Variants in CSMD2 observed in about 807,000 individuals in gnomAD.
CSMD2 encodes CUB and Sushi multiple domains 2, also known as CUB and sushi domain-containing protein 2.
Under a neutral mutation model 398.5 loss-of-function variants are expected in CSMD2, and 130 were observed. That is an observed-to-expected ratio of 0.33 (90% CI 0.28 to 0.38). CSMD2 has a LOEUF of 0.38. CSMD2 is among the 10% of genes least tolerant of loss of function. The pLI is 1.00. For missense variants in CSMD2, 3,829 were observed against 4,764.9 expected (o/e 0.80, Z 5.78); for synonymous variants, 1,828 against 1,908.5 (o/e 0.96, Z 1.10).
At chr1:34,129,758 G>T (rs7530924) in intron 1 of CSMD2, among the ~76,000 whole-genome samples, 4,500 of 152,308 alleles carry the variant, frequency 0.03, 198 homozygotes, top group African/African-American at 0.1. Context: ...GGCCTCCGCC[G>T]CTCTGACTGG....
chr1:33,605,154 G>A (rs1040080597), intron 42 of CSMD2, 128 bp downstream of exon 42: 1 of 890,846 alleles, frequency 1.1e-6, no homozygotes, highest in Admixed American at 2.5e-5. Context: ...AAACAGGATG[G>A]ACCACAGTTT....
chr1:33,601,769 G>C (rs1313637399), intron 43 of CSMD2, among the ~76,000 whole-genome samples: 1 of 152,192 alleles, frequency 6.6e-6, no homozygotes, highest in Non-Finnish European at 1.5e-5. Flanking sequence ...GAGCTGAGCT[G>C]TCCAATTCAG....
chr1:34,136,473 T>C (rs1452800094), intron 1 of CSMD2, among the ~76,000 whole-genome samples: 1 of 152,194 alleles, frequency 6.6e-6, no homozygotes, highest in Admixed American at 6.5e-5. Flanking sequence ...AAGACAGTGT[T>C]TGTGCATGAG....
intron 53 of CSMD2, among the ~76,000 whole-genome samples, chr1:33,566,867 CAG>C (rs1462753846): frequency 6.6e-6 from 1 of 152,014 alleles, no homozygotes; most frequent in African/African-American, 2.4e-5. Context: ...CAGAATAAAA[CAG>C]ATTGAGTGGG....
chr1:34,038,433 A>G (rs965592000), intron 2 of CSMD2, among the ~76,000 whole-genome samples: 3 of 152,130 alleles, frequency 2.0e-5, no homozygotes, highest in Admixed American at 6.5e-5. Flanking sequence ...AACAATACTC[A>G]TCTTCTGCTT....
chr1:33,662,564 A>T (rs1302892483), intron 26 of CSMD2, among the ~76,000 whole-genome samples: 1 of 152,174 alleles, frequency 6.6e-6, no homozygotes, highest in Non-Finnish European at 1.5e-5. Context: ...TTTCTTGAGT[A>T]ACTTCTACTT....
At chr1:34,101,191 C>T (rs999160548) in intron 1 of CSMD2, among the ~76,000 whole-genome samples, 3 of 152,242 alleles carry the variant, frequency 2.0e-5, no homozygotes, top group Non-Finnish European at 4.4e-5. Flanking sequence ...GATGGGAATG[C>T]TGCTACTGAC....
At position 33,724,493 on chromosome 1, in the gene CSMD2, CG is replaced by C. The variant is rs1212447078; in HGVS notation, c.2884+22del. 8 of 1,605,082 alleles carry C rather than the reference CG, an allele frequency of 5.0e-6. No homozygotes were observed. The African/African-American group carries it at 1.1e-4, about 21-fold the overall frequency. On this transcript the variant is annotated intron_variant, in intron 18 of 70. Coordinates refer to ENST00000373381, the MANE Select transcript of CSMD2 (RefSeq NM_001281956.2). ...GCAGGAGAGGAGTCTGCTACTTTAG[CG>C]CCCCCTCATGGTGTCCCTCACCTTC...
intron 6 of CSMD2, among the ~76,000 whole-genome samples, chr1:33,845,472 A>T (rs1251794594): frequency 6.6e-6 from 1 of 152,178 alleles, no homozygotes; most frequent in Non-Finnish European, 1.5e-5. Context: ...AACCTTAAAA[A>T]CTGACAAATG....
At position 33,724,374 on chromosome 1, in the gene CSMD2, T is replaced by C. The variant is rs530298067; in HGVS notation, c.2885-61A>G. ...AGGGCCTCAGGGAGCACCCCCGTCA[T>C]CCTCCTGGGACCCCATCCCCCATCT... On this transcript the variant is annotated intron_variant, in intron 18 of 70. Transcript: ENST00000373381. 8.0e-6 allele frequency: 12 copies of C among 1,502,914 alleles called. No individual in the cohort carries two copies. In the South Asian group the frequency reaches 1.3e-4, roughly 16 times the overall value. 93.1% of individuals were successfully genotyped at this position (1,502,914 alleles called of 1,614,324 possible). A position where few individuals can be genotyped will look rare whatever the true frequency, so the allele number is the denominator to read the frequency against.
chr1:33,662,011 C>A (rs963085391), intron 26 of CSMD2, among the ~76,000 whole-genome samples: 5 of 151,982 alleles, frequency 3.3e-5, no homozygotes, highest in African/African-American at 4.8e-5. Flanking sequence ...GAGCAGAAAC[C>A]GAAGCAGAGT....
intron 2 of CSMD2, among the ~76,000 whole-genome samples, chr1:34,074,498 T>C (rs891578078): frequency 6.6e-6 from 1 of 152,096 alleles, no homozygotes; most frequent in African/African-American, 2.4e-5. Flanking sequence ...CCTATGCACA[T>C]ACTATTTCTT....
chr1:34,032,764 C>A (rs570851778), intron 2 of CSMD2, 58 bp from the exon 3 acceptor site: 9 of 1,237,624 alleles, frequency 7.3e-6, no homozygotes. Context: ...TACACATCCA[C>A]GAAGCATTTA....
chr1:33,845,067 A>G (rs1661222567), intron 6 of CSMD2, among the ~76,000 whole-genome samples: 2 of 152,220 alleles, frequency 1.3e-5, no homozygotes, highest in South Asian at 4.1e-4. Flanking sequence ...CTACAGATAT[A>G]TGCTTATACT....
chr1:33,541,491 G>A (rs893670387), intron 58 of CSMD2, among the ~76,000 whole-genome samples, 182 bp from the exon 59 acceptor site: 19 of 152,050 alleles, frequency 1.2e-4, no homozygotes, highest in African/African-American at 4.6e-4. Context: ...TTTTAAGTCA[G>A]GGTCTTACTC....
intron 14 of CSMD2, 121 bp downstream of exon 14, chr1:33,743,159 C>T (rs1647138780): frequency 1.3e-6 from 1 of 791,076 alleles, no homozygotes; most frequent in East Asian, 2.7e-5. Flanking sequence ...CACTGCAGCC[C>T]TGCAATGCCC....
chr1:33,703,273 G>C (rs993766705), intron 22 of CSMD2, among the ~76,000 whole-genome samples: 3 of 152,152 alleles, frequency 2.0e-5, no homozygotes, highest in Non-Finnish European at 4.4e-5. Context: ...TAAATGTATA[G>C]ACGGATTTGA....
intron 2 of CSMD2, among the ~76,000 whole-genome samples, chr1:34,082,190 CT>C: frequency 6.6e-6 from 1 of 150,716 alleles, no homozygotes. Flanking sequence ...TGAGGAGCGT[CT>C]CTACCCGGCC....
At chr1:34,072,343 C>T (rs1655820823) in intron 2 of CSMD2, among the ~76,000 whole-genome samples, 1 of 152,158 alleles carries the variant, frequency 6.6e-6, no homozygotes, top group African/African-American at 2.4e-5. Flanking sequence ...TCCAAACCTG[C>T]CTCCACCCTG....
Sources: allele counts gnomAD v4.1 joint callset (sites outside exome capture counted in the v4.1 genomes callset), GRCh38; gene constraint gnomAD v4.1.1; transcripts MANE v1.5; gene names NCBI Gene and HGNC (gene_info 2026-07-23, HGNC 2026-07-21).